BCAR3: variants seen among roughly 807,000 people sequenced by gnomAD.
The protein encoded by BCAR3 is breast cancer anti-estrogen resistance protein 3.
In BCAR3, 37 loss-of-function variants were observed where a neutral mutation model predicts 80.1. The ratio of observed to expected loss-of-function variants is 0.46; its 90% CI spans 0.36 to 0.61. The LOEUF (loss-of-function observed/expected upper bound fraction) is 0.61, where lower values mean the gene tolerates loss of function less well. Among genes scored for constraint, BCAR3 ranks in the 20% least tolerant of loss-of-function variants. The pLI is 0.00. For synonymous variants in BCAR3, 389 were observed against 418.9 expected (o/e 0.93, Z 0.87); for missense variants, 978 against 1,068.2 (o/e 0.92, Z 1.18).
intron 2 of BCAR3, among the ~76,000 whole-genome samples, chr1:93,660,611 T>C (rs1359591790): frequency 6.6e-6 from 1 of 152,234 alleles, no homozygotes; most frequent in Non-Finnish European, 1.5e-5. Flanking sequence ...ATGTTGGGAA[T>C]CATATTAAGG....
chr1:93,689,990 C>A (rs1036493816), intron 3 of BCAR3, among the ~76,000 whole-genome samples: 1 of 152,192 alleles, frequency 6.6e-6, no homozygotes, highest in South Asian at 2.1e-4. Context: ...TCCTAAAATG[C>A]TCATGGCAGC....
In BCAR3 at chr1:93,688,084, G is replaced by C. The variant is rs1318534574; in HGVS notation, c.-11-13143C>G. ...TCTTACCCTCTAGGTGCCTGCCCCT[G>C]AAGAGCTAGCCATGAACTTGGTGTC... On this transcript the variant is annotated intron_variant, in intron 3 of 13. Coordinates refer to the BCAR3 transcript ENST00000370244. 2.6e-5 allele frequency among the ~76,000 whole-genome samples: 4 copies of C among 152,208 alleles called. No individual in the cohort carries two copies. In the South Asian group the frequency reaches 6.2e-4, roughly 24 times the overall value.
chr1:93,766,965 T>C (rs1241851326), intron 2 of BCAR3, among the ~76,000 whole-genome samples: 3 of 152,146 alleles, frequency 2.0e-5, no homozygotes, highest in Non-Finnish European at 4.4e-5. Flanking sequence ...ACAGAATTTA[T>C]ATAGCTCTGA....
At chr1:93,597,492 C>T (rs901725284) in intron 3 of BCAR3, among the ~76,000 whole-genome samples, 1 of 152,192 alleles carries the variant, frequency 6.6e-6, no homozygotes, top group Admixed American at 6.5e-5. Flanking sequence ...CACTGTGCCA[C>T]GCACCTGCTG....
intron 2 of BCAR3, among the ~76,000 whole-genome samples, chr1:93,708,149 T>C (rs1422747108): frequency 2.6e-5 from 4 of 152,214 alleles, no homozygotes; most frequent in Non-Finnish European, 5.9e-5. Flanking sequence ...ATCCTTCTAC[T>C]GCTCACTTAT....
At chr1:93,841,163 AGCCTT>A (rs1485029972) in intron 2 of BCAR3, among the ~76,000 whole-genome samples, 1 of 152,196 alleles carries the variant, frequency 6.6e-6, no homozygotes, top group Admixed American at 6.5e-5. Context: ...CAGGCTCCTT[AGCCTT>A]GCATTTGAAG....
At chr1:93,574,153 ACCT>A (rs201270226) in intron 8 of BCAR3, among the ~76,000 whole-genome samples, 4,426 of 151,994 alleles carry the variant, frequency 0.029, 231 homozygotes, top group African/African-American at 0.1. Flanking sequence ...TTTGCCTGAA[ACCT>A]CCTGGATACA....
chr1:93,779,131 A>C (rs1652675813), intron 2 of BCAR3, among the ~76,000 whole-genome samples: 1 of 152,230 alleles, frequency 6.6e-6, no homozygotes, highest in South Asian at 2.1e-4. Flanking sequence ...TTGAGGGAGA[A>C]GCGCCGATGC....
chr1:93,588,663 C>T (rs966788569), intron 5 of BCAR3, among the ~76,000 whole-genome samples: 1 of 152,076 alleles, frequency 6.6e-6, no homozygotes, highest in African/African-American at 2.4e-5. Context: ...TGCCTCCCAC[C>T]TGGAACACCC....
intron 11 of BCAR3, among the ~76,000 whole-genome samples, chr1:93,566,823 G>T (rs1183218455): frequency 6.6e-6 from 1 of 152,130 alleles, no homozygotes; most frequent in African/African-American, 2.4e-5. Flanking sequence ...CGCCTCCCGG[G>T]TTCAAGTGAT....
rs745628799 is a variant in BCAR3 at position 93,586,585 on chromosome 1, T to C, written c.929+2392A>G. 1.3e-5 allele frequency among the ~76,000 whole-genome samples: 2 copies of C among 152,218 alleles called. No homozygotes were observed. The highest frequency in any genetic ancestry group is 1.9e-4 in the East Asian group (1 of 5,200). Reference sequence around the variant, plus strand: ...ACCCAGCAGTGGGATTGCTGGATCATATAGTAGCTCAATTTTTAGTTTTCT... The same window carrying C: ...ACCCAGCAGTGGGATTGCTGGATCACATAGTAGCTCAATTTTTAGTTTTCT... On this transcript the variant is annotated intron_variant, in intron 5 of 11. Transcript: ENST00000260502. This position sits in a 1 kb window ranked among gnomAD's most constrained non-coding sequence, Gnocchi z 4.2.
exon 2 of BCAR3, chr1:93,845,570 T>G (rs998993024): frequency 1.3e-5 from 2 of 148,646 alleles, no homozygotes; most frequent in African/African-American, 2.5e-5. Context: ...CACTTACTGT[T>G]TGGAGAAGCG....
intron 2 of BCAR3, among the ~76,000 whole-genome samples, chr1:93,662,544 T>C (rs1315453521): frequency 6.6e-6 from 1 of 152,210 alleles, no homozygotes; most frequent in Admixed American, 6.5e-5. Context: ...GTGATCTGTA[T>C]GCCAATATTA....
intron 2 of BCAR3, among the ~76,000 whole-genome samples, chr1:93,728,309 G>A (rs1055380609): frequency 2.6e-5 from 4 of 152,250 alleles, no homozygotes; most frequent in African/African-American, 7.2e-5. Context: ...AGACGGGCAG[G>A]TCGTGGGGCT....
At chr1:93,748,246 T>C (rs1651426391) in intron 2 of BCAR3, among the ~76,000 whole-genome samples, 1 of 152,210 alleles carries the variant, frequency 6.6e-6, no homozygotes, top group African/African-American at 2.4e-5. Context: ...TGTTTGGGGC[T>C]AGCTTGCTTG....
chr1:93,563,411 A>G (rs1270868609), intron 11 of BCAR3, among the ~76,000 whole-genome samples: 1 of 152,154 alleles, frequency 6.6e-6, no homozygotes, highest in Non-Finnish European at 1.5e-5. Context: ...AGTTTTATGG[A>G]CATGCCATTG....
chr1:93,830,219 T>A (rs1654510216), intron 2 of BCAR3, among the ~76,000 whole-genome samples: 1 of 152,120 alleles, frequency 6.6e-6, no homozygotes, highest in South Asian at 2.1e-4. Flanking sequence ...ACCCAGAATT[T>A]GGAGAGGCCG....
At chr1:93,710,628 G>A (rs12063455) in intron 2 of BCAR3, among the ~76,000 whole-genome samples, 6 of 152,074 alleles carry the variant, frequency 3.9e-5, no homozygotes, top group African/African-American at 1.2e-4. Flanking sequence ...AACTCCTGTC[G>A]CATTGGTCTT....
At chr1:93,600,931 C>G (rs1674601941) in intron 3 of BCAR3, among the ~76,000 whole-genome samples, 1 of 152,222 alleles carries the variant, frequency 6.6e-6, no homozygotes, top group South Asian at 2.1e-4. Context: ...TAGACAGTGA[C>G]TGGCTGGAAC....
Sources: allele counts gnomAD v4.1 joint callset (sites outside exome capture counted in the v4.1 genomes callset), GRCh38; gene constraint gnomAD v4.1.1; non-coding constraint Gnocchi (gnomAD v3.1); transcripts MANE v1.5; gene names NCBI Gene and HGNC (gene_info 2026-07-23, HGNC 2026-07-21).